SPAG16: variants seen among roughly 807,000 people sequenced by gnomAD.
SPAG16 encodes sperm-associated antigen 16 protein.
SPAG16 carries 86 observed loss-of-function variants against 80.4 expected under a neutral mutation model. The ratio of observed to expected loss-of-function variants is 1.07; its 90% CI spans 0.90 to 1.28. The LOEUF is 1.28. Among genes scored for constraint, SPAG16 ranks in the 50% most tolerant of loss-of-function variants. SPAG16 has a pLI of 0.00. For missense variants in SPAG16, 870 were observed against 765.3 expected (o/e 1.14, Z -1.61); for synonymous variants, 294 against 265.9 (o/e 1.11, Z -1.03).
chr2:213,348,109 G>T (rs554621270), intron 6 of SPAG16, among the ~76,000 whole-genome samples: 5 of 151,990 alleles, frequency 3.3e-5, no homozygotes, highest in East Asian at 1.9e-4. Context: ...GTTAGCTCTT[G>T]TCAAATTGAT....
chr2:213,685,236 T>C (rs2064605854), intron 10 of SPAG16, among the ~76,000 whole-genome samples: 3 of 152,224 alleles, frequency 2.0e-5, no homozygotes, highest in Non-Finnish European at 4.4e-5. Context: ...AACAAGGACT[T>C]TGCAGATTTT....
intron 15 of SPAG16, among the ~76,000 whole-genome samples, chr2:214,333,125 C>A (rs1697041942): frequency 6.6e-6 from 1 of 152,166 alleles, no homozygotes; most frequent in Non-Finnish European, 1.5e-5. Context: ...GTTGCAAAAT[C>A]TTTCTACAAG....
At chr2:214,122,832 C>T (rs997944077) in intron 14 of SPAG16, among the ~76,000 whole-genome samples, 4 of 151,732 alleles carry the variant, frequency 2.6e-5, no homozygotes, top group Non-Finnish European at 4.4e-5. Flanking sequence ...CAGGTTCTGT[C>T]TATCCAAGGA....
At chr2:214,018,211 T>G (rs1315090167) in intron 13 of SPAG16, among the ~76,000 whole-genome samples, 1 of 152,126 alleles carries the variant, frequency 6.6e-6, no homozygotes, top group African/African-American at 2.4e-5. Context: ...TAACATTGCA[T>G]TAGGCAACTG....
chr2:213,472,570 T>G (rs1480206736), intron 9 of SPAG16, among the ~76,000 whole-genome samples: 3 of 152,218 alleles, frequency 2.0e-5, no homozygotes, highest in Non-Finnish European at 4.4e-5. Flanking sequence ...GAGGCAGCTC[T>G]AATGACTTCC....
At chr2:213,458,311 T>TA (rs1323669148) in intron 9 of SPAG16, among the ~76,000 whole-genome samples, 2 of 152,128 alleles carry the variant, frequency 1.3e-5, no homozygotes, top group Admixed American at 1.3e-4. Context: ...CTCATGCCTG[T>TA]AGTCACAGGA....
intron 12 of SPAG16, among the ~76,000 whole-genome samples, chr2:213,958,008 C>T (rs935579078): frequency 6.6e-6 from 1 of 152,104 alleles, no homozygotes; most frequent in Non-Finnish European, 1.5e-5. Context: ...ATTAGATAAC[C>T]AGAAGCAGTT....
At chr2:213,896,286 T>C (rs1358972682) in intron 11 of SPAG16, among the ~76,000 whole-genome samples, 2 of 151,914 alleles carry the variant, frequency 1.3e-5, no homozygotes, top group Non-Finnish European at 2.9e-5. Flanking sequence ...AAAAGGACAT[T>C]ATAAAAAAGA....
chr2:213,732,384 G>A (rs1574972322), intron 10 of SPAG16, among the ~76,000 whole-genome samples: 1 of 152,062 alleles, frequency 6.6e-6, no homozygotes, highest in Non-Finnish European at 1.5e-5. Context: ...AAGTGAAGGA[G>A]GGATGTCCTC....
At chr2:214,218,697 GAT>G (rs2125769684) in intron 15 of SPAG16, among the ~76,000 whole-genome samples, 1 of 152,326 alleles carries the variant, frequency 6.6e-6, no homozygotes, top group Non-Finnish European at 1.5e-5. Flanking sequence ...GAAATATACA[GAT>G]ATGACATTTA....
At chr2:213,291,953 C>A (rs2062291788) in intron 1 of SPAG16, among the ~76,000 whole-genome samples, 1 of 152,136 alleles carries the variant, frequency 6.6e-6, no homozygotes, top group Non-Finnish European at 1.5e-5. Context: ...TAGTTATGTA[C>A]TCTCTTAATC....
At chr2:214,287,089 A>C (rs756005838) in intron 15 of SPAG16, among the ~76,000 whole-genome samples, 10 of 152,226 alleles carry the variant, frequency 6.6e-5, no homozygotes, top group Non-Finnish European at 1.0e-4. Flanking sequence ...TAATTACACC[A>C]TCAGAAACAC....
intron 15 of SPAG16, among the ~76,000 whole-genome samples, chr2:214,232,224 C>A (rs1411622609): frequency 6.6e-6 from 1 of 151,860 alleles, no homozygotes; most frequent in Non-Finnish European, 1.5e-5. Flanking sequence ...ATTCTTTTTT[C>A]TGGTAATATG....
At chr2:213,876,557 C>A (rs1219384070) in intron 11 of SPAG16, among the ~76,000 whole-genome samples, 1 of 152,132 alleles carries the variant, frequency 6.6e-6, no homozygotes, top group East Asian at 1.9e-4. Context: ...AATCCAATAG[C>A]TTTGGCCAAA....
chr2:213,549,626 C>T (rs1236341485), intron 10 of SPAG16, among the ~76,000 whole-genome samples: 1 of 152,158 alleles, frequency 6.6e-6, no homozygotes, highest in Non-Finnish European at 1.5e-5. Flanking sequence ...GGAAGCTAAA[C>T]AGATCTCCTA....
chr2:214,218,501 C>A lies in SPAG16; in HGVS notation c.1720+69235C>A, dbSNP rs763862504. Among the ~76,000 whole-genome samples the A allele has an allele frequency of 9.2e-5, 14 of 152,120 alleles. 1 individual carries two copies. Among genetic ancestry groups the A allele is most frequent in the Non-Finnish European group, 1.8e-4 (12 of 68,038 alleles). Reference sequence around the variant, plus strand: ...TGCCTGTCCATTGCCCTGCCGTAACCCATTCCCACTTTGCTCCTGCCAGGA... The same window carrying A: ...TGCCTGTCCATTGCCCTGCCGTAACACATTCCCACTTTGCTCCTGCCAGGA... On this transcript the variant is annotated intron_variant, in intron 15 of 15. Coordinates refer to ENST00000331683, the MANE Select transcript of SPAG16 (RefSeq NM_024532.5).
chr2:214,223,127 A>T (rs982546709), intron 15 of SPAG16, among the ~76,000 whole-genome samples: 1 of 151,620 alleles, frequency 6.6e-6, no homozygotes, highest in Non-Finnish European at 1.5e-5. Flanking sequence ...ATTATTATGA[A>T]CTATTTTTTA....
At chr2:213,366,040 G>A (rs1015222870) in intron 8 of SPAG16, among the ~76,000 whole-genome samples, 3 of 148,648 alleles carry the variant, frequency 2.0e-5, no homozygotes, top group African/African-American at 7.4e-5. Context: ...TACTTGGGAG[G>A]CTGAGGCAGG....
At chr2:213,566,815 T>A (rs1021105845) in intron 10 of SPAG16, among the ~76,000 whole-genome samples, 14 of 152,224 alleles carry the variant, frequency 9.2e-5, no homozygotes, top group African/African-American at 3.1e-4. Context: ...TCGCCTTTCC[T>A]GATTTAGTTG....
Sources: gnomAD v4.1 joint callset for allele counts (sites outside exome capture counted in the v4.1 genomes callset) on GRCh38, gnomAD v4.1.1 for gene constraint, MANE v1.5 for transcripts, NCBI Gene and HGNC (gene_info 2026-07-23, HGNC 2026-07-21) for gene names.